RBM46: variants seen among roughly 807,000 people sequenced by gnomAD.
The protein encoded by RBM46 is probable RNA-binding protein 46.
RBM46 carries 12 observed loss-of-function variants against 43.3 expected under a neutral mutation model. The observed-to-expected ratio is 0.28, with a 90% CI of 0.18 to 0.45. The LOEUF is 0.45. RBM46 is among the 20% of genes least tolerant of loss of function. The pLI, the probability that RBM46 is intolerant of heterozygous loss-of-function variation, is 1.00. For missense variants in RBM46, 412 were observed against 639.1 expected (o/e 0.64, Z 3.83); for synonymous variants, 205 against 207.6 (o/e 0.99, Z 0.11).
chr4:154,798,566 T>G (rs1446251116), intron 3 of RBM46, among the ~76,000 whole-genome samples: 1 of 152,212 alleles, frequency 6.6e-6, no homozygotes, highest in African/African-American at 2.4e-5. Flanking sequence ...AAGATCTATC[T>G]TTGAAGTGTA....
chr4:154,804,885 G>A (rs1734837097), intron 4 of RBM46, among the ~76,000 whole-genome samples: 1 of 144,148 alleles, frequency 6.9e-6, no homozygotes, highest in African/African-American at 2.6e-5. Flanking sequence ...GCTTTCCTAA[G>A]CATTCTGGAG....
chr4:154,804,698 G>A, intron 4 of RBM46, among the ~76,000 whole-genome samples: 1 of 151,664 alleles, frequency 6.6e-6, no homozygotes, highest in East Asian at 1.9e-4. Context: ...TTTCTTACTT[G>A]TATGGCTATT....
chr4:154,800,611 C>G (rs368896367), intron 4 of RBM46, among the ~76,000 whole-genome samples: 17 of 148,418 alleles, frequency 1.1e-4, no homozygotes, highest in African/African-American at 4.2e-4. Flanking sequence ...TAGCCTCCCC[C>G]CTCCTCCACC....
chr4:154,806,850 A>C (rs1197607797), intron 4 of RBM46, among the ~76,000 whole-genome samples: 1 of 151,896 alleles, frequency 6.6e-6, no homozygotes, highest in African/African-American at 2.4e-5. Context: ...ATCTAGGAAA[A>C]TAATGATGTG....
chr4:154,797,803 T>C lies in RBM46; in HGVS notation c.152-8T>C. 6.7e-7 allele frequency: 1 copy of C among 1,486,912 alleles called. No individual in the cohort carries two copies. The highest frequency in any genetic ancestry group is 9.0e-7 in the Non-Finnish European group (1 of 1,109,524). The allele number at this position is 1,486,912 out of a possible 1,614,324, so 92.1% of individuals were successfully genotyped here. On this transcript the variant is annotated splice_polypyrimidine_tract_variant and splice_region_variant and intron_variant, in intron 2 of 4. Transcript: ENST00000281722. ...GAATTTATGTGTCTTTTCATTTTTG[T>C]CGTTCAGGTTGGGAAGGTCCACCTC...
At chr4:154,801,461 C>T (rs1351176598) in intron 4 of RBM46, among the ~76,000 whole-genome samples, 1 of 151,990 alleles carries the variant, frequency 6.6e-6, no homozygotes, top group Non-Finnish European at 1.5e-5. Flanking sequence ...CAATAAAGAC[C>T]ATCTAAGTTA....
At chr4:154,811,711 C>T (rs984260284) in intron 4 of RBM46, among the ~76,000 whole-genome samples, 1 of 142,268 alleles carries the variant, frequency 7.0e-6, no homozygotes, top group Non-Finnish European at 1.5e-5. Context: ...GACAGAGTTT[C>T]GCTGTGTCAC....
Position 154,799,469 on chromosome 4 carries a change from C to T in RBM46, c.1307C>T (p.Ala436Val). The change falls in exon 4 of 5, where the codon GCA becomes GTA. Residue 436 changes from alanine (A) to valine (V), a missense_variant. This residue lies in a region of RBM46 where 149 missense variants were observed against 156.3 expected (regional missense o/e 0.95). Coordinates refer to ENST00000281722, the MANE Select transcript of RBM46 (RefSeq NM_144979.5). ...LVYKIVIPAIANGSQSYFMPD... is the reference protein window; with the variant it reads ...LVYKIVIPAIVNGSQSYFMPD... Reference sequence around the variant, plus strand: ...TATAAGATAGTTATTCCTGCTATTGCAAATGGATCCCAGAGTTACTTCATG... The same window carrying T: ...TATAAGATAGTTATTCCTGCTATTGTAAATGGATCCCAGAGTTACTTCATG... 2.5e-6 allele frequency: 4 copies of T among 1,613,586 alleles called. No homozygotes were observed. The highest frequency in any genetic ancestry group is 3.4e-6 in the Non-Finnish European group (4 of 1,179,766).
intron 4 of RBM46, chr4:154,820,253 T>A (rs943105537): frequency 3.5e-6 from 2 of 563,780 alleles, no homozygotes; most frequent in Non-Finnish European, 5.7e-6. Flanking sequence ...GTTTTTTTAT[T>A]TACTGATCAA....
chr4:154,801,000 A>C (rs1045759907), intron 4 of RBM46, among the ~76,000 whole-genome samples: 3 of 133,348 alleles, frequency 2.2e-5, no homozygotes, highest in African/African-American at 8.8e-5. Context: ...TTTTTTTTTG[A>C]GATGGAGTCT....
At chr4:154,783,144 T>A (rs1733586527) in intron 1 of RBM46, among the ~76,000 whole-genome samples, 1 of 151,268 alleles carries the variant, frequency 6.6e-6, no homozygotes. Context: ...TTTATAGACA[T>A]AAAGATGACA....
intron 4 of RBM46, among the ~76,000 whole-genome samples, chr4:154,820,120 AT>A (rs1220050523): frequency 1.3e-5 from 2 of 151,944 alleles, no homozygotes; most frequent in South Asian, 2.1e-4. Context: ...AGAAAGATAA[AT>A]TTTTTTCTGA....
At chr4:154,824,297 C>A (rs868509372) in intron 4 of RBM46, among the ~76,000 whole-genome samples, 1 of 152,044 alleles carries the variant, frequency 6.6e-6, no homozygotes. Context: ...TACTAGAGAA[C>A]TCTTTAAGCA....
At chr4:154,826,654 A>G (rs1481088547) in intron 4 of RBM46, 2 of 651,978 alleles carry the variant, frequency 3.1e-6, no homozygotes, top group East Asian at 2.7e-5. Context: ...TTATGGTACC[A>G]TTCATAAAAA....
At chr4:154,783,175 A>C (rs905879314) in intron 1 of RBM46, among the ~76,000 whole-genome samples, 1 of 152,242 alleles carries the variant, frequency 6.6e-6, no homozygotes, top group Non-Finnish European at 1.5e-5. Flanking sequence ...CAATCACTAA[A>C]TATTAATGCT....
chr4:154,825,201 G>A (rs896175231), intron 4 of RBM46, among the ~76,000 whole-genome samples: 3 of 151,936 alleles, frequency 2.0e-5, no homozygotes, highest in African/African-American at 7.2e-5. Context: ...GAAAAACTAG[G>A]GGTGGGCAAA....
At chr4:154,800,145 A>G (rs1448155832) in intron 4 of RBM46, among the ~76,000 whole-genome samples, 1 of 152,062 alleles carries the variant, frequency 6.6e-6, no homozygotes, top group Non-Finnish European at 1.5e-5. Context: ...TGTTTTATTA[A>G]TTTATTGTTT....
At chr4:154,781,827 G>C (rs1324474818) in intron 1 of RBM46, 1 of 152,270 alleles carries the variant, frequency 6.6e-6, no homozygotes, top group Admixed American at 6.5e-5. Flanking sequence ...ACACGCTTAC[G>C]CCGACGACCA....
intron 1 of RBM46, among the ~76,000 whole-genome samples, chr4:154,795,450 C>G (rs1372579432): frequency 6.6e-6 from 1 of 151,886 alleles, no homozygotes; most frequent in East Asian, 1.9e-4. Flanking sequence ...TTTCTTTTGC[C>G]TTCTAAAGTA....
Sources: allele counts gnomAD v4.1 joint callset (sites outside exome capture counted in the v4.1 genomes callset), GRCh38; gene constraint gnomAD v4.1.1; regional missense constraint gnomAD v4.1.1; transcripts MANE v1.5; gene names NCBI Gene and HGNC (gene_info 2026-07-23, HGNC 2026-07-21).